The following PCSK5 variants were observed in gnomAD, a reference collection of about 807,000 sequenced individuals.
PCSK5 encodes the protein proprotein convertase subtilisin/kexin type 5.
A neutral mutation model predicts 233.2 loss-of-function variants in PCSK5; 129 were observed. The observed-to-expected ratio is 0.55, with a 90% CI of 0.48 to 0.64. PCSK5 has a LOEUF of 0.64. Among genes scored for constraint, PCSK5 ranks in the 30% least tolerant of loss-of-function variants. PCSK5 has a pLI of 0.00. For missense variants in PCSK5, 2,076 were observed against 2,430.1 expected, an observed-to-expected ratio of 0.85 and a Z score of 3.06; for synonymous variants, 825 against 879.2, an observed-to-expected ratio of 0.94 and a Z score of 1.09.
intron 10 of PCSK5, among the ~76,000 whole-genome samples, chr9:76,146,045 CT>C (rs1823429696): frequency 1.3e-5 from 2 of 148,412 alleles, no homozygotes; most frequent in South Asian, 4.2e-4. Flanking sequence ...TTTTTTTTTT[CT>C]TAGAATCTCA....
chr9:76,287,754 C>T (rs894969391), intron 24 of PCSK5: 27 of 169,792 alleles, frequency 1.6e-4, no homozygotes, highest in Middle Eastern at 2.0e-3. Context: ...CCACCGCGCC[C>T]GGCCAGCATG....
At chr9:76,243,784 G>A (rs1279511194) in intron 24 of PCSK5, among the ~76,000 whole-genome samples, 1 of 152,152 alleles carries the variant, frequency 6.6e-6, no homozygotes, top group African/African-American at 2.4e-5. Flanking sequence ...ATGCATGAAT[G>A]TTTGTTGAAT....
At chr9:76,327,566 C>T (rs1829401856) in intron 32 of PCSK5, among the ~76,000 whole-genome samples, 1 of 152,156 alleles carries the variant, frequency 6.6e-6, no homozygotes, top group Non-Finnish European at 1.5e-5. Flanking sequence ...TATTTGTCAA[C>T]AGACAATTAA....
chr9:75,995,321 C>T (rs1223951640), intron 3 of PCSK5, among the ~76,000 whole-genome samples: 1 of 152,028 alleles, frequency 6.6e-6, no homozygotes, highest in South Asian at 2.1e-4. Flanking sequence ...CACACAGTTC[C>T]TGATATATAT....
chr9:76,319,965 AATC>A (rs1404882264), intron 30 of PCSK5, among the ~76,000 whole-genome samples: 1 of 152,148 alleles, frequency 6.6e-6, no homozygotes, highest in Non-Finnish European at 1.5e-5. Context: ...CCTATCCTGT[AATC>A]ACGCGACTTG....
intron 12 of PCSK5, among the ~76,000 whole-genome samples, chr9:76,163,879 TCCTGAATCTCCC>T (rs1564072782): frequency 9.2e-4 from 109 of 118,138 alleles, no homozygotes; most frequent in East Asian, 3.0e-3. Flanking sequence ...TTTTTTTTTT[TCCTGAATCTCCC>T]TTATTGAGTT....
At chr9:76,344,217 C>T (rs1829916040) in intron 35 of PCSK5, among the ~76,000 whole-genome samples, 1 of 152,126 alleles carries the variant, frequency 6.6e-6, no homozygotes, top group Non-Finnish European at 1.5e-5. Flanking sequence ...TAGCAGTGGC[C>T]ACCTTCCTCA....
chr9:76,053,074 G>A (rs925991634), intron 5 of PCSK5, among the ~76,000 whole-genome samples: 5 of 152,192 alleles, frequency 3.3e-5, no homozygotes, highest in Non-Finnish European at 7.3e-5. Context: ...AGGGTACAGC[G>A]CCCCTCCTGG....
In PCSK5 at chr9:75,901,057, G is replaced by A. The variant is rs184352120; in HGVS notation, c.192+9684G>A. Among the ~76,000 whole-genome samples the A allele has an allele frequency of 2.0e-5, 3 of 152,146 alleles. No individual in the cohort carries two copies. The East Asian group carries it at 5.8e-4, about 29-fold the overall frequency. On this transcript the variant is annotated intron_variant, in intron 1 of 37. Transcript: ENST00000674117. ...GTGCCTCAGACTAAAGAGGAAGGAA[G>A]GGCGAGTGGCGAGTCAGAGGAATTC... is the stretch of plus-strand genomic sequence containing the variant.
chr9:76,068,443 G>GT, intron 6 of PCSK5, among the ~76,000 whole-genome samples: 1 of 151,942 alleles, frequency 6.6e-6, no homozygotes, highest in Non-Finnish European at 1.5e-5. Flanking sequence ...GAAAATCCTG[G>GT]TTTTTTGTTT....
chr9:76,337,757 AG>A (rs1196307813), intron 34 of PCSK5, among the ~76,000 whole-genome samples: 1 of 152,094 alleles, frequency 6.6e-6, no homozygotes, highest in Non-Finnish European at 1.5e-5. Context: ...TACAGGTGTG[AG>A]CCACTGCACC....
intron 2 of PCSK5, among the ~76,000 whole-genome samples, chr9:75,985,661 C>T (rs1049470227): frequency 6.6e-6 from 1 of 152,052 alleles, no homozygotes; most frequent in Non-Finnish European, 1.5e-5. Flanking sequence ...ACATTCACAC[C>T]CATTCATTTA....
chr9:76,083,936 T>C (rs1434718910), intron 7 of PCSK5, among the ~76,000 whole-genome samples: 3 of 152,380 alleles, frequency 2.0e-5, no homozygotes, highest in Middle Eastern at 3.4e-3. Flanking sequence ...ACCAGTTTGC[T>C]TTTTAATAAA....
chr9:76,040,296 A>G (rs1212085754), intron 5 of PCSK5, among the ~76,000 whole-genome samples: 3 of 148,032 alleles, frequency 2.0e-5, no homozygotes, highest in Non-Finnish European at 4.5e-5. Flanking sequence ...TAAGCCAAGT[A>G]AGGTCTCACT....
At chr9:76,317,020 C>G (rs1331748695) in intron 30 of PCSK5, among the ~76,000 whole-genome samples, 1 of 152,120 alleles carries the variant, frequency 6.6e-6, no homozygotes, top group Non-Finnish European at 1.5e-5. Flanking sequence ...TTCTTTCTCT[C>G]TCTTCTACCT....
At chr9:76,169,914 T>A in intron 13 of PCSK5, 74 bp downstream of exon 13, 1 of 1,196,598 alleles carries the variant, frequency 8.4e-7, no homozygotes, top group Non-Finnish European at 1.2e-6. Context: ...CCAGAGTGTT[T>A]CACACTCACA....
chr9:76,095,208 T>C (rs1251711448), intron 7 of PCSK5, among the ~76,000 whole-genome samples: 3 of 152,220 alleles, frequency 2.0e-5, no homozygotes, highest in Non-Finnish European at 4.4e-5. Flanking sequence ...GTAATTAGTG[T>C]CTACACCACT....
intron 10 of PCSK5, among the ~76,000 whole-genome samples, chr9:76,148,034 C>A (rs1056862332): frequency 1.3e-5 from 2 of 151,996 alleles, no homozygotes; most frequent in Non-Finnish European, 2.9e-5. Context: ...CGTCCATTTC[C>A]TTAGTTCATT....
chr9:76,231,522 C>A (rs561285353), intron 21 of PCSK5, among the ~76,000 whole-genome samples: 2 of 152,346 alleles, frequency 1.3e-5, no homozygotes, highest in Admixed American at 6.5e-5. Flanking sequence ...TCGCCCCATT[C>A]TCTTTTTCAG....
Sources: gnomAD v4.1 joint callset for allele counts (sites outside exome capture counted in the v4.1 genomes callset) on GRCh38, gnomAD v4.1.1 for gene constraint, MANE v1.5 for transcripts, NCBI Gene and HGNC (gene_info 2026-07-23, HGNC 2026-07-21) for gene names.